THSD7B: variants seen among roughly 807,000 people sequenced by gnomAD.
THSD7B encodes the protein thrombospondin type-1 domain-containing protein 7B.
In THSD7B, 138 loss-of-function variants were observed where a neutral mutation model predicts 213.6. The ratio of observed to expected loss-of-function variants is 0.65; its 90% confidence interval spans 0.56 to 0.74. THSD7B has a LOEUF of 0.74. THSD7B is among the 30% of genes least tolerant of loss of function. The pLI is 0.00. For synonymous variants in THSD7B, 742 were observed against 687.0 expected, an observed-to-expected ratio of 1.08 and a Z score of -1.25; for missense variants, 1,931 against 1,991.5, an observed-to-expected ratio of 0.97 and a Z score of 0.58.
At chr2:136,767,707 A>G (rs1453424870) in intron 1 of THSD7B, among the ~76,000 whole-genome samples, 2 of 152,154 alleles carry the variant, frequency 1.3e-5, no homozygotes, top group African/African-American at 2.4e-5. Flanking sequence ...AGCCCTGAAC[A>G]CCTACAAACC....
intron 12 of THSD7B, among the ~76,000 whole-genome samples, chr2:137,294,090 C>G (rs1288766443): frequency 6.6e-6 from 1 of 152,088 alleles, no homozygotes; most frequent in African/African-American, 2.4e-5. Context: ...GTTCTCTGCT[C>G]CCATGGCATC....
intron 12 of THSD7B, among the ~76,000 whole-genome samples, chr2:137,308,252 TCAC>T (rs1384726777): frequency 6.6e-6 from 1 of 151,958 alleles, no homozygotes; most frequent in Non-Finnish European, 1.5e-5. Flanking sequence ...GCAGAAAAGA[TCAC>T]CAGGAATAAG....
intron 2 of THSD7B, among the ~76,000 whole-genome samples, chr2:137,001,457 T>C (rs1685997717): frequency 6.6e-6 from 1 of 152,152 alleles, no homozygotes; most frequent in Non-Finnish European, 1.5e-5. Context: ...ATAATAATTA[T>C]TATTAGGATT....
intron 1 of THSD7B, among the ~76,000 whole-genome samples, chr2:136,800,267 T>A (rs1682152860): frequency 6.6e-6 from 1 of 152,064 alleles, no homozygotes; most frequent in Admixed American, 6.6e-5. Context: ...TCTGCTATTT[T>A]TTTCAATAAT....
In THSD7B at chr2:137,170,928, G is replaced by T. The variant is rs1181625139; in HGVS notation, c.1713G>T (p.Gln571His). The T allele has an allele frequency of 6.2e-7, 1 of 1,612,338 alleles. No individual in the cohort carries two copies. Among genetic ancestry groups the T allele is most frequent in the East Asian group, 2.2e-5 (1 of 44,768 alleles). The change falls in exon 7 of 28, where the codon CAG becomes CAT. Residue 571 changes from glutamine to histidine, a missense_variant. Gln to His is a conservative substitution (Grantham distance 24). Transcript: ENST00000409968. ...ATCGTATTCTGAAGGCCGTCTGCCAGAATGACCGCGGTATGACCCAGTGAC... is the reference window on the plus strand; with the variant it reads ...ATCGTATTCTGAAGGCCGTCTGCCATAATGACCGCGGTATGACCCAGTGAC... ...LGHRILKAVC[Q>H]NDRGEDVSGS...
chr2:137,671,252 A>ATT (rs1558878848), intron 27 of THSD7B, among the ~76,000 whole-genome samples: 1 of 146,806 alleles, frequency 6.8e-6, no homozygotes, highest in Non-Finnish European at 1.5e-5. Flanking sequence ...TTTTTTAAAA[A>ATT]AAAAAAAAAA....
At chr2:137,675,742 C>T (rs71348737) in intron 27 of THSD7B, among the ~76,000 whole-genome samples, 3,364 of 151,918 alleles carry the variant, frequency 0.022, 39 homozygotes, top group Middle Eastern at 0.048. Flanking sequence ...GAGATGAAGC[C>T]GGGCTGTGTG....
At position 136,782,427 on chromosome 2, in the gene THSD7B, T is replaced by G. The variant is rs1398233176; in HGVS notation, c.-36+16740T>G. ...CACCATCTCTTGTTTGCATTTCAAT[T>G]GTCAAAAACACCCTTTGAATGAGTA... is the stretch of plus-strand genomic sequence containing the variant. On this transcript the variant is annotated intron_variant, in intron 1 of 27. Coordinates refer to ENST00000409968, the MANE Select transcript of THSD7B (RefSeq NM_001316349.2). Among the ~76,000 whole-genome samples, 5 of 152,204 alleles carry G rather than the reference T, an allele frequency of 3.3e-5. 1 individual carries two copies. The highest frequency in any genetic ancestry group is 2.6e-4 in the Admixed American group (4 of 15,284).
chr2:137,526,473 G>A lies in THSD7B; in HGVS notation c.3139-36748G>A, dbSNP rs575407153. ...ATCTCGCTCTGTCACCTAGGCTGGAGTGCAGTGGTGCAATCTCATCTCACT... is the reference window on the plus strand; with the variant it reads ...ATCTCGCTCTGTCACCTAGGCTGGAATGCAGTGGTGCAATCTCATCTCACT... On this transcript the variant is annotated intron_variant, in intron 15 of 27. Transcript: ENST00000409968. Among the ~76,000 whole-genome samples the A allele has an allele frequency of 6.6e-5, 10 of 152,178 alleles. No homozygotes were observed. The South Asian group carries it at 1.7e-3, about 25-fold the overall frequency.
chr2:137,419,119 G>C (rs1317634150), intron 14 of THSD7B, among the ~76,000 whole-genome samples: 1 of 151,730 alleles, frequency 6.6e-6, no homozygotes, highest in African/African-American at 2.4e-5. Context: ...TGTTGCCCTG[G>C]CTGGTCTTGA....
intron 3 of THSD7B, among the ~76,000 whole-genome samples, chr2:137,078,434 A>T (rs1043038204): frequency 1.3e-5 from 2 of 152,190 alleles, no homozygotes; most frequent in African/African-American, 4.8e-5. Flanking sequence ...ATTTGCATAG[A>T]TGCATATCCT....
rs763233221 is a variant in THSD7B, at chr2:136,990,886, G to A, written c.140-65534G>A. 1.1e-4 allele frequency: 143 copies of A among 1,345,114 alleles called. 1 individual carries two copies. The highest frequency in any genetic ancestry group is 1.6e-4 in the Admixed American group (8 of 49,172). The allele number at this position is 1,345,114 out of a possible 1,614,324, so 83.3% of individuals were successfully genotyped here. On this transcript the variant is annotated intron_variant, in intron 2 of 27. Coordinates refer to ENST00000409968, the MANE Select transcript of THSD7B (RefSeq NM_001316349.2). ...TTTAAGAAGTAAAATATTCAGAGGC[G>A]AAACGATGCATAACACAGCAGATGA...
chr2:137,284,775 G>T lies in THSD7B; in HGVS notation c.2500+8749G>T, dbSNP rs578098052. Among the ~76,000 whole-genome samples the T allele has an allele frequency of 4.4e-4, 67 of 152,090 alleles. 2 individuals are homozygous for T. The South Asian group carries it at 9.2e-3, about 21-fold the overall frequency. ...CTGTGGTCTGAGAGATAGTTTGTTA[G>T]AATTTCTGTTCTTTTACATTTGCTG... On this transcript the variant is annotated intron_variant, in intron 12 of 27. Coordinates refer to ENST00000409968, the MANE Select transcript of THSD7B (RefSeq NM_001316349.2).
At chr2:137,178,648 A>T (rs1298869060) in intron 7 of THSD7B, among the ~76,000 whole-genome samples, 1 of 152,210 alleles carries the variant, frequency 6.6e-6, no homozygotes, top group East Asian at 1.9e-4. Context: ...GACTCATTCT[A>T]ATCAGAGTTT....
intron 15 of THSD7B, among the ~76,000 whole-genome samples, chr2:137,522,260 G>A (rs181009561): frequency 1.2e-4 from 18 of 152,300 alleles, no homozygotes; most frequent in Middle Eastern, 3.4e-3. Flanking sequence ...GTTTTCCAGA[G>A]GGATAGTGTA....
intron 10 of THSD7B, among the ~76,000 whole-genome samples, chr2:137,264,844 T>C (rs1682546427): frequency 1.3e-5 from 2 of 151,790 alleles, no homozygotes; most frequent in Admixed American, 1.3e-4. Context: ...ATTATTATTA[T>C]ACTTTAAGTT....
intron 7 of THSD7B, among the ~76,000 whole-genome samples, chr2:137,185,729 A>T (rs1195176857): frequency 2.0e-5 from 3 of 152,088 alleles, no homozygotes; most frequent in African/African-American, 7.2e-5. Context: ...GTGGTAGAAC[A>T]GTTTATTTTC....
intron 2 of THSD7B, among the ~76,000 whole-genome samples, chr2:136,954,610 G>A (rs1360347236): frequency 6.6e-6 from 1 of 151,710 alleles, no homozygotes; most frequent in East Asian, 1.9e-4. Context: ...CAGCTACTCT[G>A]GAGGCTGAGG....
chr2:137,641,170 T>A (rs1034861602), intron 20 of THSD7B, among the ~76,000 whole-genome samples: 2 of 152,242 alleles, frequency 1.3e-5, no homozygotes, highest in African/African-American at 2.4e-5. Context: ...AAGACTCTGC[T>A]TTGAATAGCT....
Sources: gnomAD v4.1 joint callset for allele counts (sites outside exome capture counted in the v4.1 genomes callset) on GRCh38, gnomAD v4.1.1 for gene constraint, MANE v1.5 for transcripts, NCBI Gene and HGNC (gene_info 2026-07-23, HGNC 2026-07-21) for gene names.